Variants in PPP2R2B observed in about 807,000 individuals in gnomAD.
PPP2R2B encodes protein phosphatase 2 regulatory subunit Bbeta, also known as serine/threonine-protein phosphatase 2A 55 kDa regulatory subunit B beta isoform.
A neutral mutation model predicts 46.0 loss-of-function variants in PPP2R2B; 5 were observed. The observed-to-expected ratio is 0.11, with a 90% CI of 0.06 to 0.23. The LOEUF is 0.23. Ranked by LOEUF, PPP2R2B falls within the 10% of genes least tolerant of loss-of-function variation. PPP2R2B has a pLI of 1.00. For synonymous variants in PPP2R2B, 215 were observed against 206.7 expected, an observed-to-expected ratio of 1.04 and a Z score of -0.34; for missense variants, 367 against 575.0, an observed-to-expected ratio of 0.64 and a Z score of 3.70.
intron 1 of PPP2R2B, among the ~76,000 whole-genome samples, chr5:147,051,578 A>G (rs1756819426): frequency 6.6e-6 from 1 of 152,070 alleles, no homozygotes. Flanking sequence ...CGGGAAAGGA[A>G]GAAGCACGTG....
chr5:146,745,680 G>T (rs1194924401), intron 2 of PPP2R2B, among the ~76,000 whole-genome samples: 6 of 152,148 alleles, frequency 3.9e-5, no homozygotes, highest in Non-Finnish European at 8.8e-5. Context: ...TTGTCGGCCA[G>T]GTGTGGTGGT....
chr5:146,603,171 T>C (rs947285578), intron 7 of PPP2R2B, among the ~76,000 whole-genome samples: 1 of 152,162 alleles, frequency 6.6e-6, no homozygotes, highest in African/African-American at 2.4e-5. Context: ...GTATATGCCA[T>C]CACTATTTTC....
chr5:146,797,396 T>C (rs1349227620), intron 2 of PPP2R2B, among the ~76,000 whole-genome samples: 2 of 152,244 alleles, frequency 1.3e-5, no homozygotes, highest in Non-Finnish European at 2.9e-5. Context: ...TACTGAACAT[T>C]ATACAGTGAG....
At chr5:147,021,495 G>A (rs1204527790) in intron 1 of PPP2R2B, among the ~76,000 whole-genome samples, 1 of 152,176 alleles carries the variant, frequency 6.6e-6, no homozygotes, top group Non-Finnish European at 1.5e-5. Flanking sequence ...GACTATCAGT[G>A]AGCCTAAAAT....
rs897589074 is a variant in PPP2R2B at position 146,625,821 on chromosome 5, C to T, written c.790+12430G>A. On this transcript the variant is annotated intron_variant, in intron 7 of 9. Transcript: ENST00000394411. ...GCTGACCTTAAGGTGGGGAGAGTATCTTGGATTACCCAGGTGGGCCCAGCG... is the reference window on the plus strand; with the variant it reads ...GCTGACCTTAAGGTGGGGAGAGTATTTTGGATTACCCAGGTGGGCCCAGCG... Among the ~76,000 whole-genome samples the T allele has an allele frequency of 3.3e-5, 5 of 152,106 alleles. No homozygotes were observed. The East Asian group carries it at 7.7e-4, about 23-fold the overall frequency.
chr5:146,735,425 C>T (rs1178773939), intron 2 of PPP2R2B, among the ~76,000 whole-genome samples: 1 of 152,012 alleles, frequency 6.6e-6, no homozygotes, highest in African/African-American at 2.4e-5. Flanking sequence ...ATATACTGAC[C>T]AGATATGAGT....
intron 9 of PPP2R2B, among the ~76,000 whole-genome samples, chr5:146,590,637 G>GTT (rs2150998122): frequency 6.6e-6 from 1 of 152,226 alleles, no homozygotes; most frequent in East Asian, 1.9e-4. Context: ...ACAATAAGCA[G>GTT]TTGTACGTGT....
chr5:146,925,440 T>A (rs1276935741), intron 1 of PPP2R2B, among the ~76,000 whole-genome samples: 2 of 152,216 alleles, frequency 1.3e-5, no homozygotes, highest in African/African-American at 4.8e-5. Flanking sequence ...TTATTTTCTT[T>A]TTGCAGTATG....
At chr5:146,744,245 T>C (rs1431276081) in intron 2 of PPP2R2B, among the ~76,000 whole-genome samples, 1 of 152,214 alleles carries the variant, frequency 6.6e-6, no homozygotes, top group Non-Finnish European at 1.5e-5. Flanking sequence ...AGGTTATTTG[T>C]GAATGCTCTT....
At chr5:146,886,219 G>A (rs1762319581) in intron 1 of PPP2R2B, among the ~76,000 whole-genome samples, 1 of 151,948 alleles carries the variant, frequency 6.6e-6, no homozygotes, top group African/African-American at 2.4e-5. Flanking sequence ...GGCCCCTGTA[G>A]TCCCAGTTAC....
chr5:146,795,782 A>C (rs1340077943), intron 2 of PPP2R2B, among the ~76,000 whole-genome samples: 1 of 152,190 alleles, frequency 6.6e-6, no homozygotes, highest in Non-Finnish European at 1.5e-5. Flanking sequence ...CTTAAATACA[A>C]ACTGTTTTGT....
In PPP2R2B at chr5:146,600,227, G is replaced by C; in HGVS notation, c.960+64C>G. The C allele has an allele frequency of 3.9e-6, 6 of 1,546,608 alleles. No homozygotes were observed. The South Asian group carries it at 7.3e-5, about 19-fold the overall frequency. ...CTGCACTGTAAACCTTTGGAAGCAG[G>C]GGCTGACTTAAAAGCTCATGAAGGG... On this transcript the variant is annotated intron_variant, in intron 8 of 9. Coordinates refer to ENST00000394411, the MANE Select transcript of PPP2R2B (RefSeq NM_181675.4).
intron 2 of PPP2R2B, among the ~76,000 whole-genome samples, chr5:146,748,973 C>T (rs1004272714): frequency 2.0e-5 from 3 of 151,978 alleles, no homozygotes; most frequent in Non-Finnish European, 4.4e-5. Context: ...AAGAAATTGC[C>T]AAGTTGTTTT....
intron 2 of PPP2R2B, among the ~76,000 whole-genome samples, chr5:146,852,028 G>T (rs898998205): frequency 4.6e-5 from 7 of 152,034 alleles, no homozygotes; most frequent in African/African-American, 1.7e-4. Flanking sequence ...GATGCTTTGA[G>T]AAAATTAGCT....
In PPP2R2B at chr5:146,588,481, A is replaced by G. The variant is rs1770286004; in HGVS notation, c.*1466T>C. On this transcript the variant is annotated 3_prime_UTR_variant, in exon 10 of 10. Transcript: ENST00000394411. ...GAAAAACTCTCATCTCAAACCATTT[A>G]CCCTGCACTAAATGGGAGTTAGGAG... The G allele has an allele frequency of 6.6e-6, 1 of 152,140 alleles. No individual in the cohort carries two copies. The highest frequency in any genetic ancestry group is 2.4e-5 in the African/African-American group (1 of 41,434). The allele number at this position is 152,140 out of a possible 1,614,324, so 9.4% of individuals were successfully genotyped here.
chr5:146,874,023 T>G (rs1761760255), intron 2 of PPP2R2B, among the ~76,000 whole-genome samples: 1 of 152,212 alleles, frequency 6.6e-6, no homozygotes. Flanking sequence ...TCAGGTCTTG[T>G]TAATTGCAAA....
At chr5:147,050,488 C>A (rs1342586174) in intron 1 of PPP2R2B, among the ~76,000 whole-genome samples, 1 of 152,024 alleles carries the variant, frequency 6.6e-6, no homozygotes, top group Admixed American at 6.6e-5. Context: ...GAAAAAGGTA[C>A]AAAATATAGT....
chr5:146,795,129 T>C (rs1252896842), intron 2 of PPP2R2B, among the ~76,000 whole-genome samples: 1 of 152,104 alleles, frequency 6.6e-6, no homozygotes, highest in East Asian at 1.9e-4. Context: ...AAAATGGGGC[T>C]GGTGAAAGTA....
At chr5:146,787,355 T>C (rs1239164108) in intron 2 of PPP2R2B, among the ~76,000 whole-genome samples, 2 of 152,234 alleles carry the variant, frequency 1.3e-5, no homozygotes, top group Non-Finnish European at 1.5e-5. Flanking sequence ...CAAGGGAAGA[T>C]AGACGCATAG....
Sources: gnomAD v4.1 joint callset for allele counts (sites outside exome capture counted in the v4.1 genomes callset) on GRCh38, gnomAD v4.1.1 for gene constraint, MANE v1.5 for transcripts, NCBI Gene and HGNC (gene_info 2026-07-23, HGNC 2026-07-21) for gene names.